The following OSBPL9 variants were observed in gnomAD, a reference collection of about 807,000 sequenced individuals.
OSBPL9 encodes the protein oxysterol binding protein like 9.
OSBPL9 carries 40 observed loss-of-function variants against 106.6 expected under a neutral mutation model. The ratio of observed to expected loss-of-function variants is 0.38; its 90% CI spans 0.29 to 0.49. The LOEUF (loss-of-function observed/expected upper bound fraction) is 0.49. Ranked by LOEUF, OSBPL9 falls within the 20% of genes least tolerant of loss-of-function variation. OSBPL9 has a pLI of 0.97. For missense variants in OSBPL9, 609 were observed against 887.2 expected, an observed-to-expected ratio of 0.69 and a Z score of 3.98; for synonymous variants, 269 against 295.4, an observed-to-expected ratio of 0.91 and a Z score of 0.92.
chr1:51,721,140 A>C (rs1244459458), intron 4 of OSBPL9, among the ~76,000 whole-genome samples: 1 of 140,520 alleles, frequency 7.1e-6, no homozygotes. Context: ...TTTTATGTTA[A>C]TTTTTTTTTT....
intron 2 of OSBPL9, 89 bp downstream of exon 2, chr1:51,652,130 C>A: frequency 1.0e-6 from 1 of 992,642 alleles, no homozygotes; most frequent in Non-Finnish European, 1.5e-6. Context: ...TTTAGTTTAG[C>A]TTCCTTACAT....
At chr1:51,586,122 C>T (rs879560981) in intron 1 of OSBPL9, among the ~76,000 whole-genome samples, 27 of 147,238 alleles carry the variant, frequency 1.8e-4, no homozygotes, top group Non-Finnish European at 3.8e-4. Context: ...TGCAGTGAGC[C>T]GAGATCGTGC....
chr1:51,726,028 C>A (rs1471679532), intron 4 of OSBPL9, among the ~76,000 whole-genome samples: 1 of 152,176 alleles, frequency 6.6e-6, no homozygotes, highest in South Asian at 2.1e-4. Context: ...TTGATTAATA[C>A]ATATTTTATA....
chr1:51,558,494 G>C, the OSBPL9 span, among the ~76,000 whole-genome samples: 1 of 152,026 alleles, frequency 6.6e-6, no homozygotes, highest in African/African-American at 2.4e-5. Flanking sequence ...TCTGCATTCT[G>C]ATGCAGAGTG....
chr1:51,536,329 C>A, the OSBPL9 span, among the ~76,000 whole-genome samples: 259 of 151,778 alleles, frequency 1.7e-3, 2 homozygotes, highest in African/African-American at 6.0e-3. Context: ...TTTTTAGAAA[C>A]AGGATCGCGC....
chr1:51,600,486 A>G (rs1340868510), intron 2 of OSBPL9, among the ~76,000 whole-genome samples: 1 of 152,062 alleles, frequency 6.6e-6, no homozygotes, highest in Non-Finnish European at 1.5e-5. Flanking sequence ...CAAACACAAA[A>G]CAGGCTGGAT....
chr1:51,562,870 G>A, the OSBPL9 span, among the ~76,000 whole-genome samples: 3 of 152,094 alleles, frequency 2.0e-5, no homozygotes, highest in South Asian at 4.1e-4. Context: ...GATTCCTTTC[G>A]TTCTTCTTGC....
At chr1:51,698,429 A>C (rs566782971) in intron 3 of OSBPL9, among the ~76,000 whole-genome samples, 1 of 152,134 alleles carries the variant, frequency 6.6e-6, no homozygotes, top group African/African-American at 2.4e-5. Context: ...AAGAGCAAGC[A>C]CTCTTTTATG....
At chr1:51,570,844 A>T in the OSBPL9 span, among the ~76,000 whole-genome samples, 1 of 151,346 alleles carries the variant, frequency 6.6e-6, no homozygotes, top group Non-Finnish European at 1.5e-5. Context: ...TTTTTTGGAG[A>T]CGGAGTCTTG....
chr1:51,552,309 G>A, the OSBPL9 span, among the ~76,000 whole-genome samples: 1 of 152,102 alleles, frequency 6.6e-6, no homozygotes, highest in Non-Finnish European at 1.5e-5. Context: ...TCAAGTACTT[G>A]TCAAGTGAAT....
chr1:51,666,691 A>C (rs1648593763), intron 2 of OSBPL9, among the ~76,000 whole-genome samples: 1 of 152,170 alleles, frequency 6.6e-6, no homozygotes, highest in Admixed American at 6.5e-5. Context: ...AGAAATGTGG[A>C]AGCTGAATTC....
intron 14 of OSBPL9, among the ~76,000 whole-genome samples, chr1:51,776,083 CT>C (rs1159401736): frequency 6.6e-6 from 1 of 152,190 alleles, no homozygotes; most frequent in Non-Finnish European, 1.5e-5. Context: ...AAATTCTTCT[CT>C]TTTTTTCATT....
chr1:51,551,403 C>T, the OSBPL9 span, among the ~76,000 whole-genome samples: 2 of 152,150 alleles, frequency 1.3e-5, no homozygotes, highest in African/African-American at 4.8e-5. Context: ...CCTTTTACTT[C>T]TTGGCCTCTT....
At chr1:51,712,410 G>GGGGAGA (rs375563911) in intron 3 of OSBPL9, among the ~76,000 whole-genome samples, 1,847 of 152,064 alleles carry the variant, frequency 0.012, 38 homozygotes, top group African/African-American at 0.042. Context: ...GGGAGACCGT[G>GGGGAGA]GGGAGAGGGA....
intron 1 of OSBPL9, among the ~76,000 whole-genome samples, chr1:51,641,874 G>T (rs1045328966): frequency 6.6e-6 from 1 of 152,138 alleles, no homozygotes; most frequent in African/African-American, 2.4e-5. Context: ...GATATCCTAA[G>T]GTGTTTGCTG....
At chr1:51,553,736 A>G in the OSBPL9 span, among the ~76,000 whole-genome samples, 1 of 151,888 alleles carries the variant, frequency 6.6e-6, no homozygotes, top group East Asian at 1.9e-4. Flanking sequence ...CTGGAGTGCA[A>G]TGGCGCATCT....
intron 3 of OSBPL9, among the ~76,000 whole-genome samples, chr1:51,699,776 C>T (rs1656846509): frequency 6.6e-6 from 1 of 152,098 alleles, no homozygotes. Context: ...CTCCCAGGCC[C>T]TCTAGAGAGC....
intron 2 of OSBPL9, among the ~76,000 whole-genome samples, chr1:51,653,766 C>G (rs182175837): frequency 1.3e-5 from 2 of 152,258 alleles, no homozygotes; most frequent in African/African-American, 4.8e-5. Flanking sequence ...GGAGACCGAG[C>G]GAGGCAGAGG....
intron 2 of OSBPL9, among the ~76,000 whole-genome samples, chr1:51,659,018 A>T (rs1646983005): frequency 6.6e-6 from 1 of 152,094 alleles, no homozygotes; most frequent in Admixed American, 6.5e-5. Context: ...ATTGGTACAT[A>T]GATGTCATTA....
Sources: allele counts gnomAD v4.1 joint callset (sites outside exome capture counted in the v4.1 genomes callset), GRCh38; gene constraint gnomAD v4.1.1; transcripts MANE v1.5; gene names NCBI Gene and HGNC (gene_info 2026-07-23, HGNC 2026-07-21).